The following EML6 variants were observed in gnomAD, a reference collection of about 807,000 sequenced individuals.
EML6 encodes the protein echinoderm microtubule-associated protein-like 6.
A neutral mutation model predicts 240.1 loss-of-function variants in EML6; 154 were observed. That is an observed-to-expected ratio of 0.64 (90% CI 0.56 to 0.73). The LOEUF is 0.73. EML6 is among the 30% of genes least tolerant of loss of function. The probability of loss-of-function intolerance (pLI) is 0.00; values close to 1 mark genes in which losing one functional copy is unlikely to be tolerated. For synonymous variants in EML6, 1,148 were observed against 899.0 expected (o/e 1.28, Z -4.95); for missense variants, 2,964 against 2,474.6 (o/e 1.20, Z -4.20).
At chr2:54,788,759 G>A (rs1452722882) in intron 2 of EML6, among the ~76,000 whole-genome samples, 1 of 152,046 alleles carries the variant, frequency 6.6e-6, no homozygotes, top group East Asian at 1.9e-4. Context: ...TGAAAAATAG[G>A]GCCAAACTCT....
rs949427800 is a variant in EML6 at position 54,816,858 on chromosome 2, G to A, written c.429G>A (p.Leu143=). The change falls in exon 4 of 42, where the codon CTG becomes CTA. Residue 143 remains leucine, a synonymous_variant. Coordinates refer to ENST00000356458, the MANE Select transcript of EML6 (RefSeq NM_001039753.4). ...CIWDWRKGKL[L]ASATGHSDRI... is the part of the protein sequence containing the mutation. ...GGGACTGGAGGAAGGGAAAACTTCT[G>A]GCGTCAGCCACCGGCCATTCTGACA... 6.4e-7 allele frequency: 1 copy of A among 1,551,338 alleles called. No individual in the cohort carries two copies. Among genetic ancestry groups the A allele is most frequent in the African/African-American group, 1.4e-5 (1 of 73,040 alleles).
intron 15 of EML6, 53 bp downstream of exon 15, chr2:54,869,420 A>C: frequency 7.4e-7 from 1 of 1,349,766 alleles, no homozygotes; most frequent in Non-Finnish European, 1.0e-6. Flanking sequence ...TTAATTTTTG[A>C]ATTCAGTTTA....
chr2:54,904,124 C>G (rs1673197397), intron 24 of EML6, among the ~76,000 whole-genome samples: 1 of 152,156 alleles, frequency 6.6e-6, no homozygotes, highest in Non-Finnish European at 1.5e-5. Context: ...ATGGTTTCTG[C>G]TCCCTGTGGA....
intron 14 of EML6, chr2:54,867,907 A>C (rs1025400095): frequency 6.6e-6 from 1 of 152,134 alleles, no homozygotes; most frequent in Non-Finnish European, 1.5e-5. Flanking sequence ...TCACCATGTC[A>C]TACCCTCTGC....
chr2:54,900,482 G>A (rs1672998715), intron 22 of EML6, among the ~76,000 whole-genome samples: 1 of 152,210 alleles, frequency 6.6e-6, no homozygotes, highest in African/African-American at 2.4e-5. Flanking sequence ...GCTAGTAATG[G>A]CGGCTGCTCT....
intron 2 of EML6, among the ~76,000 whole-genome samples, chr2:54,779,868 A>G (rs1293249572): frequency 2.0e-5 from 3 of 149,378 alleles, no homozygotes; most frequent in East Asian, 1.9e-4. Context: ...AAAAAAAGAA[A>G]AAAAAAAAAA....
chr2:54,725,017 G>T lies in EML6; in HGVS notation c.-45G>T. On this transcript the variant is annotated 5_prime_UTR_variant, in exon 2 of 42. Coordinates refer to ENST00000356458, the MANE Select transcript of EML6 (RefSeq NM_001039753.4). This position sits in a 1 kb window ranked among gnomAD's most constrained non-coding sequence, Gnocchi z 4.3. Reference sequence around the variant, plus strand: ...CGCAGCCCCAGCCTCGGCGAGGACGGCCCCGGCGCGCGGGGGGGCGGGGGG... The same window carrying T: ...CGCAGCCCCAGCCTCGGCGAGGACGTCCCCGGCGCGCGGGGGGGCGGGGGG... 1 of 1,451,700 alleles carries T rather than the reference G, an allele frequency of 6.9e-7. No individual in the cohort carries two copies. The highest frequency in any genetic ancestry group is 1.4e-5 in the South Asian group (1 of 71,864). The allele number at this position is 1,451,700 out of a possible 1,614,324, so 89.9% of individuals were successfully genotyped here. A position where few individuals can be genotyped will look rare whatever the true frequency, so the allele number is the denominator to read the frequency against.
At chr2:54,842,507 C>T (rs931405698) in intron 7 of EML6, among the ~76,000 whole-genome samples, 1 of 152,120 alleles carries the variant, frequency 6.6e-6, no homozygotes, top group Admixed American at 6.5e-5. Context: ...AAGAATACTC[C>T]TATGTCTAGC....
intron 2 of EML6, among the ~76,000 whole-genome samples, chr2:54,808,169 G>C (rs1315024370): frequency 6.6e-6 from 1 of 152,200 alleles, no homozygotes; most frequent in African/African-American, 2.4e-5. Flanking sequence ...CAGGAAGGCA[G>C]GGCCCTCTCT....
chr2:54,904,901 C>T (rs1421232038), intron 24 of EML6, among the ~76,000 whole-genome samples: 3 of 152,162 alleles, frequency 2.0e-5, no homozygotes, highest in African/African-American at 7.2e-5. Context: ...AACCCTTCTG[C>T]CTGGCAGGTA....
chr2:54,895,871 C>T (rs896586198), intron 21 of EML6, among the ~76,000 whole-genome samples: 4 of 152,158 alleles, frequency 2.6e-5, no homozygotes, highest in African/African-American at 9.7e-5. Flanking sequence ...AACATTGCTG[C>T]TTTCTCAAAG....
intron 2 of EML6, among the ~76,000 whole-genome samples, chr2:54,788,233 T>C (rs2103884430): frequency 6.6e-6 from 1 of 152,352 alleles, no homozygotes; most frequent in African/African-American, 2.4e-5. Flanking sequence ...TGGCTCCCGC[T>C]TCCTGTTGGC....
At chr2:54,938,128 C>A (rs573978746) in intron 28 of EML6, among the ~76,000 whole-genome samples, 23 of 152,248 alleles carry the variant, frequency 1.5e-4, no homozygotes, top group African/African-American at 5.1e-4. Context: ...GGCAGATCAC[C>A]TGAGGTCAGG....
At chr2:54,882,856 T>TAAAAAAAAAAAAAAAAAAAAAA (rs1452424017) in intron 17 of EML6, 1 of 648 alleles carries the variant, frequency 1.5e-3, no homozygotes. Context: ...AGACTCCGTC[T>TAAAAAAAAAAAAAAAAAAAAAA]CAAAAAAAAA....
At chr2:54,861,001 C>T (rs1670643675) in intron 12 of EML6, among the ~76,000 whole-genome samples, 1 of 152,158 alleles carries the variant, frequency 6.6e-6, no homozygotes, top group African/African-American at 2.4e-5. Context: ...GAGTGACATC[C>T]CCTTGGAGCA....
At chr2:54,934,798 C>T (rs942187491) in intron 28 of EML6, among the ~76,000 whole-genome samples, 24 of 152,182 alleles carry the variant, frequency 1.6e-4, no homozygotes, top group Admixed American at 6.5e-5. Flanking sequence ...AGCGGTCTTA[C>T]ACCTTGGCCT....
chr2:54,884,631 G>A (rs191960272), intron 17 of EML6, among the ~76,000 whole-genome samples: 9 of 152,328 alleles, frequency 5.9e-5, no homozygotes, highest in Non-Finnish European at 1.0e-4. Flanking sequence ...GTCAGGAAAT[G>A]GAGGGGGAGA....
At chr2:54,798,385 G>A (rs1486248866) in intron 2 of EML6, among the ~76,000 whole-genome samples, 1 of 152,110 alleles carries the variant, frequency 6.6e-6, no homozygotes, top group African/African-American at 2.4e-5. Context: ...ATGTTTGCCA[G>A]GCTGGTCTGG....
At chr2:54,866,451 C>A (rs1188766136) in intron 13 of EML6, among the ~76,000 whole-genome samples, 7 of 152,018 alleles carry the variant, frequency 4.6e-5, no homozygotes, top group Admixed American at 2.6e-4. Context: ...AGATTTCTGG[C>A]CTTAGAAGAA....
Sources: gnomAD v4.1 joint callset for allele counts (sites outside exome capture counted in the v4.1 genomes callset) on GRCh38, gnomAD v4.1.1 for gene constraint, Gnocchi (gnomAD v3.1) non-coding constraint, MANE v1.5 for transcripts, NCBI Gene and HGNC (gene_info 2026-07-23, HGNC 2026-07-21) for gene names.